The following IL1RAPL1 variants were observed in gnomAD, a reference collection of about 807,000 sequenced individuals.
The protein encoded by IL1RAPL1 is interleukin-1 receptor accessory protein-like 1.
Under a neutral mutation model 48.4 loss-of-function variants are expected in IL1RAPL1, and 3 were observed. The ratio of observed to expected loss-of-function variants is 0.06; its 90% CI spans 0.03 to 0.16. The LOEUF (loss-of-function observed/expected upper bound fraction) is 0.16. Among genes scored for constraint, IL1RAPL1 ranks in the 10% least tolerant of loss-of-function variants. IL1RAPL1 has a pLI of 1.00. For missense variants in IL1RAPL1, 349 were observed against 530.6 expected, an observed-to-expected ratio of 0.66 and a Z score of 3.36; for synonymous variants, 185 against 187.7, an observed-to-expected ratio of 0.99 and a Z score of 0.12.
At chrX:29,556,954 A>AT (rs892144475) in intron 5 of IL1RAPL1, among the ~76,000 whole-genome samples, 14 of 111,466 alleles carry the variant, frequency 1.3e-4, no homozygotes, top group Non-Finnish European at 2.1e-4. Flanking sequence ...AAGGTTGGAC[A>AT]TTTTTTAGCA....
At chrX:29,525,602 A>T (rs10521953) in intron 5 of IL1RAPL1, among the ~76,000 whole-genome samples, 9,041 of 111,272 alleles carry the variant, frequency 0.081, 350 homozygotes, top group South Asian at 0.21. Context: ...TAGGCCCAGG[A>T]TATACTGCGT....
chrX:29,137,258 TCACACACACACACA>T (rs113222106), intron 2 of IL1RAPL1, among the ~76,000 whole-genome samples: 4,778 of 100,300 alleles, frequency 0.048, 100 homozygotes, highest in Middle Eastern at 0.085. Context: ...ACACTTGCGC[TCACACACACACACA>T]CACACACACA....
intron 5 of IL1RAPL1, among the ~76,000 whole-genome samples, chrX:29,642,203 C>T (rs1925186894): frequency 1.8e-5 from 2 of 112,050 alleles, no homozygotes; most frequent in South Asian, 7.5e-4. Flanking sequence ...TTTCCTTTTC[C>T]TCCTTGTCTT....
At chrX:29,763,990 G>C (rs868764183) in intron 6 of IL1RAPL1, among the ~76,000 whole-genome samples, 1 of 109,244 alleles carries the variant, frequency 9.2e-6, no homozygotes, top group Non-Finnish European at 1.9e-5. Context: ...TGAGAAAAAG[G>C]AAAAAAATTC....
At chrX:28,664,737 T>C (rs58539393) in intron 1 of IL1RAPL1, among the ~76,000 whole-genome samples, 17,099 of 111,227 alleles carry the variant, frequency 0.15, 1,101 homozygotes, top group African/African-American at 0.24. Context: ...TACACTCTAC[T>C]ACATTCAGTA....
chrX:29,131,002 G>A (rs942315778), intron 2 of IL1RAPL1, among the ~76,000 whole-genome samples: 2 of 111,957 alleles, frequency 1.8e-5, no homozygotes, highest in Middle Eastern at 4.2e-3. Flanking sequence ...TGATAATTAA[G>A]AGCAGTGTTG....
chrX:29,765,983 C>T (rs1762559006), intron 6 of IL1RAPL1, among the ~76,000 whole-genome samples: 1 of 110,118 alleles, frequency 9.1e-6, no homozygotes, highest in Non-Finnish European at 1.9e-5. Context: ...CCATGTGAAA[C>T]CAGAAACCAC....
intron 2 of IL1RAPL1, among the ~76,000 whole-genome samples, chrX:29,188,659 T>G (rs1238919553): frequency 2.0e-5 from 2 of 101,905 alleles, no homozygotes; most frequent in African/African-American, 7.2e-5. Flanking sequence ...CAATCTGGGC[T>G]CACTGCAACC....
chrX:28,771,937 CAAAAA>C (rs5901904), intron 1 of IL1RAPL1, among the ~76,000 whole-genome samples: 10 of 42,008 alleles, frequency 2.4e-4, no homozygotes, highest in African/African-American at 7.2e-4. Context: ...GACTCCGTCT[CAAAAA>C]AAAAAAAAAA....
chrX:28,599,160 G>A (rs1045337680), intron 1 of IL1RAPL1, among the ~76,000 whole-genome samples: 6 of 107,177 alleles, frequency 5.6e-5, no homozygotes, highest in African/African-American at 1.0e-4. Flanking sequence ...CAGGAGAATC[G>A]CTTGAACCTG....
At chrX:29,639,448 A>C (rs1925092981) in intron 5 of IL1RAPL1, among the ~76,000 whole-genome samples, 2 of 111,217 alleles carry the variant, frequency 1.8e-5, no homozygotes, top group Non-Finnish European at 3.8e-5. Flanking sequence ...TGGCACTTTG[A>C]AACAGTTGGT....
intron 1 of IL1RAPL1, among the ~76,000 whole-genome samples, chrX:28,651,058 G>T (rs1934677588): frequency 8.9e-6 from 1 of 111,806 alleles, no homozygotes. Context: ...ATTTCATTTT[G>T]TGCACACAAT....
At chrX:29,697,708 A>G (rs987597942) in intron 6 of IL1RAPL1, among the ~76,000 whole-genome samples, 3 of 112,388 alleles carry the variant, frequency 2.7e-5, no homozygotes, top group African/African-American at 9.7e-5. Flanking sequence ...ATCTCTGACC[A>G]TTACATCTAA....
chrX:28,809,897 T>G (rs1273946203), intron 2 of IL1RAPL1, among the ~76,000 whole-genome samples: 1 of 107,664 alleles, frequency 9.3e-6, no homozygotes, highest in Non-Finnish European at 1.9e-5. Context: ...TAAAGACTGG[T>G]TCGGGTACAG....
intron 5 of IL1RAPL1, among the ~76,000 whole-genome samples, chrX:29,521,300 C>T (rs1172242219): frequency 2.7e-5 from 3 of 111,732 alleles, no homozygotes; most frequent in African/African-American, 6.5e-5. Flanking sequence ...CATAGATCTG[C>T]CTAATTACTC....
At chrX:28,844,295 C>A (rs1310795349) in intron 2 of IL1RAPL1, among the ~76,000 whole-genome samples, 5 of 105,763 alleles carry the variant, frequency 4.7e-5, no homozygotes, top group Non-Finnish European at 9.8e-5. Flanking sequence ...TTTACGTTCC[C>A]ACCTTTTGAA....
chrX:29,856,196 T>C (rs757493530), intron 6 of IL1RAPL1, among the ~76,000 whole-genome samples: 15 of 111,550 alleles, frequency 1.3e-4, no homozygotes, highest in Non-Finnish European at 2.3e-4. Context: ...AAGTGACTTA[T>C]ATTTGATTTT....
chrX:28,600,606 C>T (rs980888866), intron 1 of IL1RAPL1, among the ~76,000 whole-genome samples: 2 of 110,356 alleles, frequency 1.8e-5, no homozygotes, highest in African/African-American at 6.6e-5. Flanking sequence ...TTGTACAGGA[C>T]CAGGCTACAG....
intron 2 of IL1RAPL1, among the ~76,000 whole-genome samples, chrX:29,146,131 A>G (rs1929345626): frequency 8.9e-6 from 1 of 111,891 alleles, no homozygotes; most frequent in Admixed American, 9.5e-5. Flanking sequence ...AAGGCCCCAG[A>G]AAGACTTGAC....
Sources: gnomAD v4.1 joint callset for allele counts (sites outside exome capture counted in the v4.1 genomes callset) on GRCh38, gnomAD v4.1.1 for gene constraint, MANE v1.5 for transcripts, NCBI Gene and HGNC (gene_info 2026-07-23, HGNC 2026-07-21) for gene names.